Variants in CYP7B1 observed in about 807,000 individuals in gnomAD.
CYP7B1 encodes the protein cytochrome P450 family 7 subfamily B member 1.
CYP7B1 carries 29 observed loss-of-function variants against 42.7 expected under a neutral mutation model. The ratio of observed to expected loss-of-function variants is 0.68; its 90% CI spans 0.51 to 0.93. The LOEUF is 0.93. CYP7B1 is among the 40% of genes least tolerant of loss of function. The probability of loss-of-function intolerance (pLI) is 0.00; values close to 1 mark genes in which losing one functional copy is unlikely to be tolerated. For synonymous variants in CYP7B1, 235 were observed against 218.2 expected, an observed-to-expected ratio of 1.08 and a Z score of -0.68; for missense variants, 655 against 600.5, an observed-to-expected ratio of 1.09 and a Z score of -0.95.
intron 1 of CYP7B1, among the ~76,000 whole-genome samples, chr8:64,745,177 C>G (rs7832640): frequency 6.6e-6 from 1 of 152,176 alleles, no homozygotes; most frequent in Non-Finnish European, 1.5e-5. Context: ...GGGTAAGATA[C>G]AGCATTCCGG....
At chr8:64,772,622 C>A (rs1804255025) in intron 1 of CYP7B1, among the ~76,000 whole-genome samples, 1 of 152,160 alleles carries the variant, frequency 6.6e-6, no homozygotes, top group South Asian at 2.1e-4. Context: ...ACACACACAT[C>A]CTGTTGGTTC....
chr8:64,718,055 G>A (rs570921195), intron 1 of CYP7B1, among the ~76,000 whole-genome samples: 1 of 151,272 alleles, frequency 6.6e-6, no homozygotes, highest in Admixed American at 6.6e-5. Context: ...TAATGATCAT[G>A]GTTGTATAAG....
At chr8:64,660,362 C>G (rs10098006) in intron 1 of CYP7B1, among the ~76,000 whole-genome samples, 128,947 of 152,226 alleles carry the variant, frequency 0.85, 54,860 homozygotes, top group Middle Eastern at 0.9. Flanking sequence ...TGTGTGTCAG[C>G]ATACCAGGCA....
chr8:64,665,854 G>A (rs1806271357), intron 1 of CYP7B1, among the ~76,000 whole-genome samples: 1 of 152,060 alleles, frequency 6.6e-6, no homozygotes, highest in Admixed American at 6.5e-5. Flanking sequence ...AGGATTACAG[G>A]CGTGAGCCAC....
chr8:64,798,123 G>A (rs1804734528), intron 1 of CYP7B1, among the ~76,000 whole-genome samples: 1 of 152,172 alleles, frequency 6.6e-6, no homozygotes, highest in South Asian at 2.1e-4. Context: ...TTCCCCTCCT[G>A]AAATGCTCTA....
intron 1 of CYP7B1, among the ~76,000 whole-genome samples, chr8:64,668,325 T>C (rs1324129608): frequency 6.6e-6 from 1 of 152,170 alleles, no homozygotes; most frequent in Non-Finnish European, 1.5e-5. Context: ...ACAAATAAAA[T>C]GCAGTAAAAA....
chr8:64,716,902 G>C (rs532940278), intron 1 of CYP7B1, among the ~76,000 whole-genome samples: 1 of 152,246 alleles, frequency 6.6e-6, no homozygotes, highest in East Asian at 1.9e-4. Flanking sequence ...AACAATTACT[G>C]AGGGAGGAGT....
chr8:64,699,770 C>T (rs1806884998), intron 1 of CYP7B1, among the ~76,000 whole-genome samples: 2 of 151,840 alleles, frequency 1.3e-5, no homozygotes, highest in Non-Finnish European at 2.9e-5. Flanking sequence ...ACTGGAAAAC[C>T]CTCATAATGC....
intron 1 of CYP7B1, among the ~76,000 whole-genome samples, chr8:64,647,842 C>CA (rs1805977060): frequency 6.6e-6 from 1 of 152,184 alleles, no homozygotes; most frequent in Admixed American, 6.5e-5. Context: ...AACACCCTTA[C>CA]AGACACACCC....
At chr8:64,672,616 T>C (rs1806383334) in intron 1 of CYP7B1, among the ~76,000 whole-genome samples, 1 of 152,144 alleles carries the variant, frequency 6.6e-6, no homozygotes. Context: ...GTTGGCATTC[T>C]TCTAAACCTG....
chr8:64,737,222 C>T (rs2129633207), intron 1 of CYP7B1, among the ~76,000 whole-genome samples: 1 of 152,302 alleles, frequency 6.6e-6, no homozygotes, highest in East Asian at 1.9e-4. Context: ...CTGGTCTCAG[C>T]CTCCCGAGTA....
rs769498001 is a variant in CYP7B1 at position 64,694,405 on chromosome 8, C to T, written c.123-69866G>A. 1.6e-4 allele frequency among the ~76,000 whole-genome samples: 25 copies of T among 152,142 alleles called. 1 individual carries two copies. Among genetic ancestry groups the T allele is most frequent in the Admixed American group, 4.6e-4 (7 of 15,276 alleles). Reference sequence around the variant, plus strand: ...AGTACTGAAGCAAAACCTTCCAAGTCTGGCCTTGCTCTAGATAAGGAAGAA... The same window carrying T: ...AGTACTGAAGCAAAACCTTCCAAGTTTGGCCTTGCTCTAGATAAGGAAGAA... On this transcript the variant is annotated intron_variant, in intron 1 of 5. Coordinates refer to ENST00000310193, the MANE Select transcript of CYP7B1 (RefSeq NM_004820.5).
chr8:64,597,699 C>A (rs1338957452), intron 5 of CYP7B1, among the ~76,000 whole-genome samples: 1 of 152,144 alleles, frequency 6.6e-6, no homozygotes, highest in Non-Finnish European at 1.5e-5. Flanking sequence ...CTTAATTTTG[C>A]CTTGCTGCCA....
In CYP7B1 at chr8:64,591,048, C is replaced by G. The variant is rs1805026840; in HGVS notation, c.*5594G>C. On this transcript the variant is annotated 3_prime_UTR_variant, in exon 6 of 6. Transcript: ENST00000310193. ...ATTGTTTTAATAATATACAGCACTC[C>G]TCCTTCTAAAAATATTTTAAAACAT... Among the ~76,000 whole-genome samples, 1 of 151,968 alleles carries G rather than the reference C, an allele frequency of 6.6e-6. No homozygotes were observed. Among genetic ancestry groups the G allele is most frequent in the Non-Finnish European group, 1.5e-5 (1 of 67,954 alleles).
intron 5 of CYP7B1, among the ~76,000 whole-genome samples, chr8:64,602,668 C>G (rs1358904946): frequency 2.0e-5 from 3 of 152,170 alleles, no homozygotes; most frequent in Non-Finnish European, 4.4e-5. Context: ...GAATGTGTCT[C>G]TGATGAGCTC....
intron 1 of CYP7B1, among the ~76,000 whole-genome samples, chr8:64,680,344 T>C (rs1806517552): frequency 6.6e-6 from 1 of 152,158 alleles, no homozygotes; most frequent in Non-Finnish European, 1.5e-5. Context: ...ATTACTAATA[T>C]GTTCCTATAT....
intron 1 of CYP7B1, among the ~76,000 whole-genome samples, chr8:64,679,639 C>A (rs974842263): frequency 2.6e-5 from 4 of 151,962 alleles, no homozygotes; most frequent in African/African-American, 9.7e-5. Flanking sequence ...TGAATTTGTC[C>A]CCATTATAGC....
chr8:64,699,927 A>C (rs1334079208), intron 1 of CYP7B1, among the ~76,000 whole-genome samples: 1 of 152,088 alleles, frequency 6.6e-6, no homozygotes, highest in Non-Finnish European at 1.5e-5. Flanking sequence ...TCTGGAAATG[A>C]CCACTCTCCC....
At chr8:64,757,307 G>A (rs1807822939) in intron 1 of CYP7B1, among the ~76,000 whole-genome samples, 1 of 152,206 alleles carries the variant, frequency 6.6e-6, no homozygotes, top group African/African-American at 2.4e-5. Context: ...AGGATTGAAT[G>A]AGATCATGAA....
Sources: gnomAD v4.1 joint callset for allele counts (sites outside exome capture counted in the v4.1 genomes callset) on GRCh38, gnomAD v4.1.1 for gene constraint, MANE v1.5 for transcripts, NCBI Gene and HGNC (gene_info 2026-07-23, HGNC 2026-07-21) for gene names.